The following ACTL7A variants were observed in gnomAD, a reference collection of about 807,000 sequenced individuals.
ACTL7A encodes the protein actin like 7A.
In ACTL7A, 27 loss-of-function variants were observed where a neutral mutation model predicts 30.3. The ratio of observed to expected loss-of-function variants is 0.89; its 90% CI spans 0.66 to 1.23. The LOEUF (loss-of-function observed/expected upper bound fraction) is 1.23. Ranked by LOEUF, ACTL7A falls within the 50% of genes most tolerant of loss-of-function variation. The probability of loss-of-function intolerance (pLI) is 0.00; values close to 1 mark genes in which losing one functional copy is unlikely to be tolerated. For missense variants in ACTL7A, 566 were observed against 571.8 expected (o/e 0.99, Z 0.10); for synonymous variants, 259 against 241.4 (o/e 1.07, Z -0.67).
rs1254305132 is a variant in ACTL7A at position 108,863,628 on chromosome 9, T to G, written c.1306T>G (p.Ter436GlyextTer?). 6.2e-7 allele frequency: 1 copy of G among 1,601,042 alleles called. No homozygotes were observed. Among genetic ancestry groups the G allele is most frequent in the Admixed American group, 1.7e-5 (1 of 59,390 alleles). Residue 436 changes from the stop codon to glycine, a stop_lost, in exon 1 of 1, where the codon TGA becomes GGA. Transcript: ENST00000333999. ...TTTCTTCCTCTACAGAAGGTGCTTC[T>G]GAACAGCGACGAGGATGGACACTGC... The part of the protein sequence containing the change: ...GPFFLYRRCF[*>G]
rs1587857521 is a variant in ACTL7A at position 108,862,328 on chromosome 9, G to A, written c.6G>A (p.Trp2Ter). The stretch of plus-strand genomic sequence containing the variant: ...GTGGTGCGGCTCTTGACAACATGTG[G>A]GCTCCACCAGCAGCAATCATGGGGG... M[W>*]APPAAIMGDG... is the part of the protein sequence containing the mutation. The change falls in exon 1 of 1, where the codon TGG becomes TGA. Residue 2 changes from tryptophan to a stop codon, truncating the protein, a stop_gained. Coordinates refer to ENST00000333999, the MANE Select transcript of ACTL7A (RefSeq NM_006687.4). LOFTEE classifies it high-confidence loss of function. 6.2e-7 allele frequency: 1 copy of A among 1,608,646 alleles called. No homozygotes were observed. Among genetic ancestry groups the A allele is most frequent in the East Asian group, 2.2e-5 (1 of 44,816 alleles).
In ACTL7A at chr9:108,862,511, GC is replaced by G. The variant is rs768983062; in HGVS notation, c.192del (p.Lys65SerfsTer4). 3.7e-6 allele frequency: 6 copies of G among 1,613,964 alleles called. No homozygotes were observed. Among genetic ancestry groups the G allele is most frequent in the African/African-American group, 2.7e-5 (2 of 74,902 alleles). ...CTGAATCAAAGGCAGCCAAGGAGAG[GC>G]CCAAGCAGGAGGTGACCAAAGCAGT... ...PTESKAAKER[P>X]KQEVTKAVVV... On this transcript the variant is annotated frameshift_variant, in exon 1 of 1. Transcript: ENST00000333999. LOFTEE classifies it high-confidence loss of function.
chr9:108,862,865 G>C lies in ACTL7A; in HGVS notation c.543G>C (p.Glu181Asp). 6.2e-7 allele frequency: 1 copy of C among 1,613,526 alleles called. No homozygotes were observed. Among genetic ancestry groups the C allele is most frequent in the Non-Finnish European group, 8.5e-7 (1 of 1,179,652 alleles). ...CACTGAGCCCACACACCAACAGAGA[G>C]AAATATGCTGAAATGCTGTTTGAAG... ...DPPLSPHTNR[E>D]KYAEMLFEAF... is the part of the protein sequence containing the mutation. The change falls in exon 1 of 1, where the codon GAG becomes GAC. Residue 181 changes from glutamate (E) to aspartate (D), a missense_variant. Coordinates refer to ENST00000333999, the MANE Select transcript of ACTL7A (RefSeq NM_006687.4).
In ACTL7A at chr9:108,863,175, G is replaced by C; in HGVS notation, c.853G>C (p.Asp285His). Residue 285 changes from aspartate to histidine, a missense_variant, in exon 1 of 1, where the codon GAT (aspartate) becomes CAT (histidine). Physicochemically the swap from Asp to His is moderately conservative, Grantham distance 81. Transcript: ENST00000333999. ...GAAGAAATGCTGCTTTGTGGCCCTG[G>C]ATCCCATTGAGGAGAAGAAAGTCCC... ...IKKKCCFVAL[D>H]PIEEKKVPLS... 1.2e-6 allele frequency: 2 copies of C among 1,614,102 alleles called. No homozygotes were observed. Among genetic ancestry groups the C allele is most frequent in the Non-Finnish European group, 1.7e-6 (2 of 1,180,030 alleles).
rs1827178138 is a variant in ACTL7A, at chr9:108,862,534, C to T, written c.212C>T (p.Ala71Val). The change falls in exon 1 of 1, where the codon GCA (alanine) becomes GTA (valine). Residue 71 changes from alanine (A) to valine (V), a missense_variant. Ala to Val is a moderately conservative substitution (Grantham distance 64). Transcript: ENST00000333999. The stretch of plus-strand genomic sequence containing the variant: ...AGGCCCAAGCAGGAGGTGACCAAAG[C>T]AGTGGTCGTGGACCTGGGCACTGGC... The part of the protein sequence containing the change: ...KERPKQEVTK[A>V]VVVDLGTGYC... 2 of 1,614,034 alleles carry T rather than the reference C, an allele frequency of 1.2e-6. No individual in the cohort carries two copies. The highest frequency in any genetic ancestry group is 1.7e-5 in the Admixed American group (1 of 60,008).
At position 108,862,491 on chromosome 9, in the gene ACTL7A, T is replaced by C. The variant is rs778239046; in HGVS notation, c.169T>C (p.Ser57Pro). Residue 57 changes from serine to proline, a missense_variant, in exon 1 of 1, where the codon TCA becomes CCA. By Grantham distance (74) the Ser-to-Pro change is moderately conservative (BLOSUM62 -1). Coordinates refer to ENST00000333999, the MANE Select transcript of ACTL7A (RefSeq NM_006687.4). ...TTCAGAGCCACAAGAACCTACTGAA[T>C]CAAAGGCAGCCAAGGAGAGGCCCAA... ...TSSEPQEPTE[S>P]KAAKERPKQE... The C allele has an allele frequency of 6.2e-7, 1 of 1,612,510 alleles. No homozygotes were observed. Among genetic ancestry groups the C allele is most frequent in the East Asian group, 2.2e-5 (1 of 44,812 alleles).
In ACTL7A at chr9:108,863,495, G is replaced by A; in HGVS notation, c.1173G>A (p.Val391=). Residue 391 remains valine, a synonymous_variant, in exon 1 of 1, where the codon GTG becomes GTA. Coordinates refer to ENST00000333999, the MANE Select transcript of ACTL7A (RefSeq NM_006687.4). ...MCPNDTPQVN[V]LPERDSAVWT... is the part of the protein sequence containing the mutation. ...CCAATGACACCCCGCAGGTAAACGT[G>A]CTGCCTGAAAGAGACAGTGCCGTGT... is the stretch of plus-strand genomic sequence containing the variant. 2 of 1,614,222 alleles carry A rather than the reference G, an allele frequency of 1.2e-6. No individual in the cohort carries two copies. Among genetic ancestry groups the A allele is most frequent in the Non-Finnish European group, 1.7e-6 (2 of 1,180,040 alleles).
In ACTL7A at chr9:108,862,386, C is replaced by CCCCTGCAGACACAGG; in HGVS notation, c.69_83dup (p.Gln26_Thr30dup). 6.2e-7 allele frequency: 1 copy of CCCCTGCAGACACAGG among 1,614,050 alleles called. No homozygotes were observed. Among genetic ancestry groups the CCCCTGCAGACACAGG allele is most frequent in the Non-Finnish European group, 8.5e-7 (1 of 1,180,026 alleles). On this transcript the variant is annotated inframe_insertion, in exon 1 of 1. Transcript: ENST00000333999. ...CACCAAGAAGGTGGGCAACCAGGCC[C>CCCCTGCAGACACAGG]CCCTGCAGACACAGGCCCTCCAGAC...
In ACTL7A at chr9:108,863,189, G is replaced by A. The variant is rs553289718; in HGVS notation, c.867G>A (p.Glu289=). 2 of 1,614,112 alleles carry A rather than the reference G, an allele frequency of 1.2e-6. No individual in the cohort carries two copies. The highest frequency in any genetic ancestry group is 2.2e-5 in the East Asian group (1 of 44,868). ...TTGTGGCCCTGGATCCCATTGAGGA[G>A]AAGAAAGTCCCTCTCAGTGAGCATA... ...CCFVALDPIE[E]KKVPLSEHTI... Residue 289 remains glutamate, a synonymous_variant, in exon 1 of 1, where the codon GAG becomes GAA. Coordinates refer to ENST00000333999, the MANE Select transcript of ACTL7A (RefSeq NM_006687.4).
At position 108,863,081 on chromosome 9, in the gene ACTL7A, G is replaced by C; in HGVS notation, c.759G>C (p.Leu253=). The C allele has an allele frequency of 6.2e-7, 1 of 1,614,126 alleles. No homozygotes were observed. The highest frequency in any genetic ancestry group is 8.5e-7 in the Non-Finnish European group (1 of 1,180,026). ...DYAGSDLTAY[L]LGLLNSAGNE... is the part of the protein sequence containing the mutation. Reference sequence around the variant, plus strand: ...CGGGCTCTGACCTGACAGCCTACCTGCTGGGCCTGCTGAACAGTGCGGGGA... The same window carrying C: ...CGGGCTCTGACCTGACAGCCTACCTCCTGGGCCTGCTGAACAGTGCGGGGA... The change falls in exon 1 of 1, where the codon CTG becomes CTC. Residue 253 remains leucine, a synonymous_variant. Coordinates refer to ENST00000333999, the MANE Select transcript of ACTL7A (RefSeq NM_006687.4).
rs745719906 is a variant in ACTL7A at position 108,862,468 on chromosome 9, CAG to C, written c.149_150del (p.Glu50AlafsTer6). 1.4e-5 allele frequency: 23 copies of C among 1,613,960 alleles called. 1 individual carries two copies. The South Asian group carries it at 2.1e-4, about 15-fold the overall frequency. On this transcript the variant is annotated frameshift_variant, in exon 1 of 1. Transcript: ENST00000333999. LOFTEE classifies it high-confidence loss of function. Reference sequence around the variant, plus strand: ...GCCGTGTGGGTCCGCCATACGAGTTCAGAGCCACAAGAACCTACTGAATCAAA... The same window carrying C: ...GCCGTGTGGGTCCGCCATACGAGTTCAGCCACAAGAACCTACTGAATCAAA...
Position 108,862,628 on chromosome 9 carries a change from C to T in ACTL7A, c.306C>T (p.Pro102=). ...THKISTTVGK[P]YMETAKTGDN... is the part of the protein sequence containing the mutation. ...AGATCTCAACAACGGTGGGCAAGCC[C>T]TACATGGAGACCGCCAAGACTGGGG... The change falls in exon 1 of 1, where the codon CCC becomes CCT. Residue 102 remains proline (P), a synonymous_variant. Coordinates refer to ENST00000333999, the MANE Select transcript of ACTL7A (RefSeq NM_006687.4). The T allele has an allele frequency of 1.2e-6, 2 of 1,614,194 alleles. No individual in the cohort carries two copies. Among genetic ancestry groups the T allele is most frequent in the East Asian group, 2.2e-5 (1 of 44,876 alleles).
At position 108,862,905 on chromosome 9, in the gene ACTL7A, G is replaced by C. The variant is rs1348237151; in HGVS notation, c.583G>C (p.Ala195Pro). The change falls in exon 1 of 1, where the codon GCA (alanine) becomes CCA (proline). Residue 195 changes from alanine (A) to proline (P), a missense_variant. Physicochemically the swap from Ala to Pro is conservative, Grantham distance 27. Transcript: ENST00000333999. ...GCTGTTTGAAGCCTTCAACACCCCT[G>C]CAATGCACATCGCCTACCAGTCGCG... is the stretch of plus-strand genomic sequence containing the variant. Reference protein sequence around the residue: ...EMLFEAFNTPAMHIAYQSRLS... With the variant: ...EMLFEAFNTPPMHIAYQSRLS... The C allele has an allele frequency of 6.2e-7, 1 of 1,611,774 alleles. No homozygotes were observed. Among genetic ancestry groups the C allele is most frequent in the South Asian group, 1.1e-5 (1 of 90,602 alleles).
chr9:108,862,928 G>A lies in ACTL7A; in HGVS notation c.606G>A (p.Ser202=), dbSNP rs377392593. The part of the protein sequence containing the change: ...NTPAMHIAYQ[S]RLSMYSYGRT... ...CTGCAATGCACATCGCCTACCAGTC[G>A]CGCCTGTCCATGTACTCCTATGGAA... The change falls in exon 1 of 1, where the codon TCG becomes TCA. Residue 202 remains serine (S), a synonymous_variant. Coordinates refer to ENST00000333999, the MANE Select transcript of ACTL7A (RefSeq NM_006687.4). 3.7e-5 allele frequency: 60 copies of A among 1,610,786 alleles called. No individual in the cohort carries two copies. Among genetic ancestry groups the A allele is most frequent in the Admixed American group, 5.0e-5 (3 of 59,864 alleles).
Position 108,863,743 on chromosome 9 carries a change from C to A in ACTL7A, c.*113C>A. ...TATTCCTGTAGCATTAAACACCCCT[C>A]ATATGCCCCTCCACAGTGTGTTTCT... On this transcript the variant is annotated 3_prime_UTR_variant, in exon 1 of 1. Coordinates refer to ENST00000333999, the MANE Select transcript of ACTL7A (RefSeq NM_006687.4). 1 of 937,240 alleles carries A rather than the reference C, an allele frequency of 1.1e-6. No homozygotes were observed. The highest frequency in any genetic ancestry group is 1.6e-6 in the Non-Finnish European group (1 of 635,944). The allele number at this position is 937,240 out of a possible 1,614,324, so 58.1% of individuals were successfully genotyped here.
rs1478592469 is a variant in ACTL7A, at chr9:108,863,161, G to A, written c.839G>A (p.Cys280Tyr). ...GTGGAGGACATCAAGAAGAAATGCT[G>A]CTTTGTGGCCCTGGATCCCATTGAG... ...GIVEDIKKKC[C>Y]FVALDPIEEK... Residue 280 changes from cysteine to tyrosine, a missense_variant, in exon 1 of 1, where the codon TGC (cysteine) becomes TAC (tyrosine). Cys to Tyr is a radical substitution (Grantham distance 194, BLOSUM62 -2). Transcript: ENST00000333999. 2 of 1,614,166 alleles carry A rather than the reference G, an allele frequency of 1.2e-6. No homozygotes were observed. The highest frequency in any genetic ancestry group is 1.7e-6 in the Non-Finnish European group (2 of 1,180,044).
Position 108,862,656 on chromosome 9 carries a change from A to T in ACTL7A, c.334A>T (p.Asn112Tyr). 1 of 1,614,246 alleles carries T rather than the reference A, an allele frequency of 6.2e-7. No homozygotes were observed. Among genetic ancestry groups the T allele is most frequent in the East Asian group, 2.2e-5 (1 of 44,880 alleles). Residue 112 changes from asparagine (N) to tyrosine (Y), a missense_variant, in exon 1 of 1, where the codon AAT (asparagine) becomes TAT (tyrosine). Coordinates refer to ENST00000333999, the MANE Select transcript of ACTL7A (RefSeq NM_006687.4). ...CATGGAGACCGCCAAGACTGGGGAT[A>T]ATCGCAAGGAGACATTCGTGGGGCA... Reference protein sequence around the residue: ...PYMETAKTGDNRKETFVGQEL... With the variant: ...PYMETAKTGDYRKETFVGQEL...
Position 108,862,916 on chromosome 9 carries a change from C to A in ACTL7A, c.594C>A (p.Ile198=). 6.2e-7 allele frequency: 1 copy of A among 1,611,128 alleles called. No individual in the cohort carries two copies. Among genetic ancestry groups the A allele is most frequent in the Non-Finnish European group, 8.5e-7 (1 of 1,178,328 alleles). ...CCTTCAACACCCCTGCAATGCACAT[C>A]GCCTACCAGTCGCGCCTGTCCATGT... ...FEAFNTPAMH[I]AYQSRLSMYS... The change falls in exon 1 of 1, where the codon ATC becomes ATA. Residue 198 remains isoleucine (I), a synonymous_variant. Coordinates refer to ENST00000333999, the MANE Select transcript of ACTL7A (RefSeq NM_006687.4).
Position 108,862,436 on chromosome 9 carries a change from G to A in ACTL7A, c.114G>A (p.Ala38=), listed in dbSNP as rs749366196. 6.8e-6 allele frequency: 11 copies of A among 1,614,124 alleles called. No individual in the cohort carries two copies. The highest frequency in any genetic ancestry group is 1.6e-4 in the Middle Eastern group (1 of 6,062). ...CTGCCTCTTTAAGGGATGGCCCGGC[G>A]AAGCGGGCCGTGTGGGTCCGCCATA... ...LQTASLRDGP[A]KRAVWVRHTS... Residue 38 remains alanine, a synonymous_variant, in exon 1 of 1, where the codon GCG becomes GCA. Coordinates refer to ENST00000333999, the MANE Select transcript of ACTL7A (RefSeq NM_006687.4).
Sources: allele counts gnomAD v4.1 joint callset, GRCh38; gene constraint gnomAD v4.1.1; transcripts MANE v1.5; gene names NCBI Gene and HGNC (gene_info 2026-07-23, HGNC 2026-07-21).